The following UBL5 variants were observed in gnomAD, a reference collection of about 807,000 sequenced individuals.
The protein encoded by UBL5 is ubiquitin like 5, also known as ubiquitin-like protein 5.
UBL5 carries 13 observed loss-of-function variants against 11.7 expected under a neutral mutation model. The observed-to-expected ratio is 1.11, with a 90% CI of 0.73 to 1.77. UBL5 has a LOEUF of 1.77. Among genes scored for constraint, UBL5 ranks in the 40% most tolerant of loss-of-function variants. UBL5 has a pLI of 0.00. For missense variants in UBL5, 58 were observed against 92.3 expected (o/e 0.63, Z 1.52); for synonymous variants, 28 against 34.7 (o/e 0.81, Z 0.68).
intron 4 of UBL5, chr19:9,829,096 C>T (rs2046041440): frequency 1.7e-6 from 1 of 599,060 alleles, no homozygotes; most frequent in East Asian, 2.8e-5. Context: ...TACTGACCTC[C>T]ACCTGAGTGC....
intron 3 of UBL5, 66 bp downstream of exon 3, chr19:9,828,741 C>T (rs1275757541): frequency 2.3e-5 from 37 of 1,611,286 alleles, no homozygotes; most frequent in Non-Finnish European, 3.1e-5. Flanking sequence ...TGGGGGAGCG[C>T]TGCAGGCAGC....
intron 1 of UBL5, 165 bp downstream of exon 1, chr19:9,828,149 CAG>C (rs2046034835): frequency 7.9e-6 from 5 of 635,388 alleles, no homozygotes; most frequent in Non-Finnish European, 8.3e-6. Context: ...GGCCCTGGGA[CAG>C]GGGACTTGGG....
At chr19:9,828,517 C>T in intron 2 of UBL5, 75 bp from the exon 3 acceptor site, 2 of 1,607,238 alleles carry the variant, frequency 1.2e-6, no homozygotes, top group East Asian at 2.2e-5. Context: ...GGGGTCCTGG[C>T]AGATGGTATT....
Position 9,828,307 on chromosome 19 carries a change from C to A in UBL5, c.-11-20C>A, listed in dbSNP as rs1349815370. On this transcript the variant is annotated intron_variant, in intron 1 of 4. Transcript: ENST00000586895. The stretch of plus-strand genomic sequence containing the variant: ...AAGCTCTGACTTTGCTGCCTCCCAC[C>A]CACCCCCCGCTTTGTGTAGCTCCAG... 4.4e-6 allele frequency: 7 copies of A among 1,590,092 alleles called. No individual in the cohort carries two copies. The highest frequency in any genetic ancestry group is 1.7e-5 in the Admixed American group (1 of 59,962).
At chr19:9,829,592 T>G (rs772959434) in intron 4 of UBL5, 23 of 198,120 alleles carry the variant, frequency 1.2e-4, no homozygotes, top group Admixed American at 3.3e-4. Context: ...ACCTCCCAGG[T>G]TTAAGCGATT....
intron 4 of UBL5, 26 bp downstream of exon 4, chr19:9,828,900 A>C: frequency 6.2e-7 from 1 of 1,612,328 alleles, no homozygotes; most frequent in Non-Finnish European, 8.5e-7. Context: ...CTTTTTGAGG[A>C]AGCATCTACA....
At position 9,830,060 on chromosome 19, in the gene UBL5, A is replaced by G. The variant is rs377519849; in HGVS notation, c.*52A>G. On this transcript the variant is annotated 3_prime_UTR_variant, in exon 5 of 5. Coordinates refer to ENST00000586895, the MANE Select transcript of UBL5 (RefSeq NM_001048241.3). ...CTTTCCTCTCCCATCCTCATCCCCCACACTGGGATAGATGCTTGTTTGTAA... is the reference window on the plus strand; with the variant it reads ...CTTTCCTCTCCCATCCTCATCCCCCGCACTGGGATAGATGCTTGTTTGTAA... 2.3e-5 allele frequency: 37 copies of G among 1,603,450 alleles called. No individual in the cohort carries two copies. In the African/African-American group the frequency reaches 4.7e-4, roughly 20 times the overall value.
At chr19:9,828,472 G>A (rs1222204610) in intron 2 of UBL5, 79 bp downstream of exon 2, 57 of 1,609,406 alleles carry the variant, frequency 3.5e-5, no homozygotes, top group Non-Finnish European at 4.8e-5. Flanking sequence ...TGTGTTGTCG[G>A]ATGGTTTTAG....
rs2046037188 is a variant in UBL5, at chr19:9,828,459, A to G, written c.56+66A>G. On this transcript the variant is annotated intron_variant, in intron 2 of 4. Transcript: ENST00000586895. ...TGCTTGGCGTGAGGCAGGCAACTCA[A>G]TCTGTGTTGTCGGATGGTTTTAGTT... 3.7e-6 allele frequency: 6 copies of G among 1,606,836 alleles called. No individual in the cohort carries two copies. The South Asian group carries it at 4.4e-5, about 12-fold the overall frequency.
intron 1 of UBL5, 21 bp from the exon 2 acceptor site, chr19:9,828,306 C>A: frequency 3.0e-5 from 48 of 1,577,972 alleles, no homozygotes; most frequent in Non-Finnish European, 3.4e-5. Context: ...CTGCCTCCCA[C>A]CCACCCCCCG....
At position 9,828,665 on chromosome 19, in the gene UBL5, C is replaced by G. The variant is rs2046039084; in HGVS notation, c.130C>G (p.Leu44Val). The change falls in exon 3 of 5, where the codon CTG becomes GTG. Residue 44 changes from leucine to valine, a missense_variant. Leu to Val is a conservative substitution (Grantham distance 32). Coordinates refer to ENST00000586895, the MANE Select transcript of UBL5 (RefSeq NM_001048241.3). ...TGGTACCCGTTGGAACAAGATTGTCCTGAAGAAGTGGTGAGTGCAGCGGTA... is the reference window on the plus strand; with the variant it reads ...TGGTACCCGTTGGAACAAGATTGTCGTGAAGAAGTGGTGAGTGCAGCGGTA... ...QTGTRWNKIV[L>V]KKWYTIFKDH... The G allele has an allele frequency of 6.2e-7, 1 of 1,614,210 alleles. No homozygotes were observed. The highest frequency in any genetic ancestry group is 8.5e-7 in the Non-Finnish European group (1 of 1,180,040).
Position 9,828,601 on chromosome 19 carries a change from T to TA in UBL5, c.67dup (p.Thr23AsnfsTer6). 6.2e-7 allele frequency: 1 copy of TA among 1,614,220 alleles called. No individual in the cohort carries two copies. On this transcript the variant is annotated frameshift_variant, in exon 3 of 5. Transcript: ENST00000586895. ...ACTGCTCTGCGCCCAGCACGGATGA[T>TA]ACCATCGGGGACCTTAAGAAGCTGA...
Position 9,829,953 on chromosome 19 carries a change from C to A in UBL5, c.179-12C>A, listed in dbSNP as rs1273962641. The A allele has an allele frequency of 7.4e-6, 12 of 1,614,016 alleles. No individual in the cohort carries two copies. The South Asian group carries it at 1.3e-4, about 18-fold the overall frequency. ...AAGTCAGAGTCAGGATTCCTTAACA[C>A]CTTTCCTTCAGATGAAATCCACGAT... On this transcript the variant is annotated splice_polypyrimidine_tract_variant and intron_variant, in intron 4 of 4. Transcript: ENST00000586895.
At chr19:9,828,261 T>C (rs2046035544) in intron 1 of UBL5, 66 bp from the exon 2 acceptor site, 2 of 1,498,930 alleles carry the variant, frequency 1.3e-6, no homozygotes, top group Admixed American at 1.7e-5. Context: ...GGCTGGGGCT[T>C]CTGGGCCTGG....
Position 9,828,827 on chromosome 19 carries a change from T to G in UBL5, c.141-10T>G. 1 of 1,614,156 alleles carries G rather than the reference T, an allele frequency of 6.2e-7. No homozygotes were observed. Among genetic ancestry groups the G allele is most frequent in the Non-Finnish European group, 8.5e-7 (1 of 1,180,000 alleles). ...CTTAGCCTTATCTCTGAAATGTCTC[T>G]TTTTCTTAGGTACACGATTTTTAAG... is the stretch of plus-strand genomic sequence containing the variant. On this transcript the variant is annotated splice_polypyrimidine_tract_variant and intron_variant, in intron 3 of 4. Coordinates refer to ENST00000586895, the MANE Select transcript of UBL5 (RefSeq NM_001048241.3).
chr19:9,828,218 G>A lies in UBL5; in HGVS notation c.-11-109G>A, dbSNP rs2046035260. On this transcript the variant is annotated intron_variant, in intron 1 of 4. Coordinates refer to ENST00000586895, the MANE Select transcript of UBL5 (RefSeq NM_001048241.3). ...GGCAGAACGGAAGGCTCAGTAACCTGGAATTTTAGGGCCTGGGACTGGGAG... is the reference window on the plus strand; with the variant it reads ...GGCAGAACGGAAGGCTCAGTAACCTAGAATTTTAGGGCCTGGGACTGGGAG... The A allele has an allele frequency of 1.7e-5, 18 of 1,079,396 alleles. No homozygotes were observed. The South Asian group carries it at 2.2e-4, about 13-fold the overall frequency. 66.9% of individuals were successfully genotyped at this position (1,079,396 alleles called of 1,614,324 possible).
intron 4 of UBL5, chr19:9,829,098 C>T (rs1223297058): frequency 3.3e-6 from 2 of 598,562 alleles, no homozygotes; most frequent in Admixed American, 2.9e-5. Context: ...CTGACCTCCA[C>T]CTGAGTGCTG....
intron 1 of UBL5, 121 bp from the exon 2 acceptor site, chr19:9,828,206 G>T (rs1599441546): frequency 2.1e-6 from 2 of 942,586 alleles, no homozygotes; most frequent in East Asian, 2.5e-5. Flanking sequence ...AGAACGGAAG[G>T]CTCAGTAACC....
intron 2 of UBL5, 97 bp downstream of exon 2, chr19:9,828,490 C>T (rs2046037319): frequency 3.1e-6 from 5 of 1,605,490 alleles, no homozygotes; most frequent in South Asian, 2.2e-5. Context: ...TAGTTAAACC[C>T]GGGAGAGGGG....
Sources: allele counts gnomAD v4.1 joint callset, GRCh38; gene constraint gnomAD v4.1.1; transcripts MANE v1.5; gene names NCBI Gene and HGNC (gene_info 2026-07-23, HGNC 2026-07-21).